The following EFCAB11 variants were observed in gnomAD, a reference collection of about 807,000 sequenced individuals.
EFCAB11 encodes EF-hand calcium binding domain 11.
In EFCAB11, 14 loss-of-function variants were observed where a neutral mutation model predicts 23.0. That is an observed-to-expected ratio of 0.61 (90% CI 0.40 to 0.95). The LOEUF (loss-of-function observed/expected upper bound fraction) is 0.95, where lower values mean the gene tolerates loss of function less well. Ranked by LOEUF, EFCAB11 falls within the 40% of genes least tolerant of loss-of-function variation. The pLI is 0.00. For synonymous variants in EFCAB11, 65 were observed against 66.6 expected (o/e 0.98, Z 0.11); for missense variants, 198 against 195.8 (o/e 1.01, Z -0.07).
At chr14:89,835,644 T>TGTGTGTGTGTGTGTGTGTGTGTGTGTG (rs1223325732) in intron 5 of EFCAB11, among the ~76,000 whole-genome samples, 2 of 57,962 alleles carry the variant, frequency 3.5e-5, no homozygotes, top group African/African-American at 1.6e-4. Flanking sequence ...GTGTGTGTGT[T>TGTGTGTGTGTGTGTGTGTGTGTGTGTG]TGAGACGTTG....
intron 3 of EFCAB11, 108 bp downstream of exon 3, chr14:89,949,988 TC>T: frequency 8.4e-7 from 1 of 1,195,148 alleles, no homozygotes; most frequent in Non-Finnish European, 1.2e-6. Context: ...TTCCACCAGG[TC>T]CCTTCCACAA....
intron 5 of EFCAB11, among the ~76,000 whole-genome samples, chr14:89,801,049 A>G (rs997000766): frequency 3.7e-5 from 4 of 108,424 alleles, no homozygotes; most frequent in African/African-American, 1.2e-4. Flanking sequence ...AAGAAAAAAA[A>G]AAAAAAAAAA....
intron 3 of EFCAB11, among the ~76,000 whole-genome samples, chr14:89,941,597 T>C (rs1457481789): frequency 6.6e-6 from 1 of 150,580 alleles, no homozygotes. Flanking sequence ...TTTTTTTTTT[T>C]CAGAGATATG....
intron 5 of EFCAB11, among the ~76,000 whole-genome samples, chr14:89,872,812 C>A (rs1286936): frequency 0.68 from 103,315 of 151,536 alleles, 39,235 homozygotes; most frequent in Non-Finnish European, 0.86. Flanking sequence ...GACACACACA[C>A]ATGTGGAAGA....
intron 5 of EFCAB11, among the ~76,000 whole-genome samples, chr14:89,890,738 A>G (rs1888938379): frequency 6.6e-6 from 1 of 152,218 alleles, no homozygotes; most frequent in Non-Finnish European, 1.5e-5. Flanking sequence ...AGTGGAAAGA[A>G]AGTTGGCATC....
rs537975356 is a variant in EFCAB11 at position 89,904,661 on chromosome 14, C to T, written c.410+26880G>A. Among the ~76,000 whole-genome samples, 135 of 152,220 alleles carry T rather than the reference C, an allele frequency of 8.9e-4. 2 individuals carry two copies. The highest frequency in any genetic ancestry group is 3.1e-3 in the African/African-American group (130 of 41,526). On this transcript the variant is annotated intron_variant, in intron 5 of 5. Coordinates refer to ENST00000316738, the MANE Select transcript of EFCAB11 (RefSeq NM_145231.4). The stretch of plus-strand genomic sequence containing the variant: ...TGTTGTTTCCTGACTTTTTAATGAT[C>T]GCCATTCTAACTGGAGTGAGATGCT...
At chr14:89,812,916 A>C (rs990715135) in intron 5 of EFCAB11, among the ~76,000 whole-genome samples, 1 of 152,226 alleles carries the variant, frequency 6.6e-6, no homozygotes, top group Non-Finnish European at 1.5e-5. Flanking sequence ...AAAACTTAAA[A>C]TCTTTGCACA....
At chr14:89,831,750 C>T (rs1886891660) in intron 5 of EFCAB11, among the ~76,000 whole-genome samples, 1 of 152,110 alleles carries the variant, frequency 6.6e-6, no homozygotes, top group African/African-American at 2.4e-5. Context: ...CAAGTTAGTA[C>T]AAATTAACAA....
intron 5 of EFCAB11, among the ~76,000 whole-genome samples, chr14:89,917,044 G>C (rs1463255798): frequency 2.1e-5 from 3 of 146,034 alleles, no homozygotes; most frequent in African/African-American, 7.8e-5. Flanking sequence ...TCCATCACCT[G>C]ACATGCTTCG....
intron 5 of EFCAB11, among the ~76,000 whole-genome samples, chr14:89,896,351 C>T (rs1889160228): frequency 6.6e-6 from 1 of 151,956 alleles, no homozygotes; most frequent in Non-Finnish European, 1.5e-5. Flanking sequence ...GATCGTGCCA[C>T]TGCACTCCAG....
At chr14:89,819,304 AT>A (rs762316293) in intron 5 of EFCAB11, among the ~76,000 whole-genome samples, 7 of 145,852 alleles carry the variant, frequency 4.8e-5, no homozygotes, top group Non-Finnish European at 1.1e-4. Flanking sequence ...ATGAAAACTA[AT>A]GTGCAGTGTC....
intron 5 of EFCAB11, among the ~76,000 whole-genome samples, chr14:89,864,378 GC>G (rs1036524447): frequency 2.2e-4 from 34 of 152,208 alleles, no homozygotes; most frequent in African/African-American, 7.7e-4. Flanking sequence ...GTTTGCTGAT[GC>G]CCATGTTTCT....
chr14:89,954,415 G>C, intron 1 of EFCAB11, 171 bp downstream of exon 1: 2 of 1,536,470 alleles, frequency 1.3e-6, no homozygotes, highest in East Asian at 4.9e-5. Context: ...AGTCCTGGAC[G>C]GGGAGCCAGG....
At chr14:89,882,538 CTCT>C (rs1888633840) in intron 5 of EFCAB11, among the ~76,000 whole-genome samples, 1 of 152,172 alleles carries the variant, frequency 6.6e-6, no homozygotes, top group Admixed American at 6.5e-5. Flanking sequence ...CTCACTCTCT[CTCT>C]TTTTTTTCTC....
intron 5 of EFCAB11, among the ~76,000 whole-genome samples, chr14:89,888,038 C>T (rs1216407398): frequency 6.6e-6 from 1 of 152,124 alleles, no homozygotes; most frequent in Non-Finnish European, 1.5e-5. Context: ...AGTCACTGTT[C>T]AACATACTGA....
intron 5 of EFCAB11, among the ~76,000 whole-genome samples, chr14:89,850,021 CATCAG>C (rs1887554566): frequency 6.6e-6 from 1 of 152,096 alleles, no homozygotes; most frequent in East Asian, 1.9e-4. Flanking sequence ...CCCTAATTAC[CATCAG>C]AGCTCTACCT....
chr14:89,864,928 T>A (rs1382882551), intron 5 of EFCAB11, among the ~76,000 whole-genome samples: 1 of 152,224 alleles, frequency 6.6e-6, no homozygotes, highest in East Asian at 1.9e-4. Context: ...ATCAGCAGGA[T>A]GCCCTCAGTG....
At chr14:89,935,761 C>A (rs1231237979) in intron 3 of EFCAB11, among the ~76,000 whole-genome samples, 1 of 152,192 alleles carries the variant, frequency 6.6e-6, no homozygotes, top group African/African-American at 2.4e-5. Context: ...GTAATCCCAG[C>A]AATTTGGGAG....
intron 5 of EFCAB11, among the ~76,000 whole-genome samples, chr14:89,847,514 C>T (rs1331354841): frequency 2.6e-5 from 4 of 151,904 alleles, no homozygotes; most frequent in Admixed American, 2.6e-4. Flanking sequence ...CAGAGGCGGG[C>T]GGATCACCTG....
Sources: gnomAD v4.1 joint callset for allele counts (sites outside exome capture counted in the v4.1 genomes callset) on GRCh38, gnomAD v4.1.1 for gene constraint, MANE v1.5 for transcripts, NCBI Gene and HGNC (gene_info 2026-07-23, HGNC 2026-07-21) for gene names.